OR2A14: variants seen among roughly 807,000 people sequenced by gnomAD.
OR2A14 encodes olfactory receptor 2A14.
A neutral mutation model predicts 2.4 loss-of-function variants in OR2A14; 2 were observed. The observed-to-expected ratio is 0.85, with a 90% CI of 0.35 to 2.67. The LOEUF (loss-of-function observed/expected upper bound fraction) is 2.67, where lower values mean the gene tolerates loss of function less well. OR2A14 is among the 30% of genes most tolerant of loss of function. The probability of loss-of-function intolerance (pLI) is 0.10; values close to 1 mark genes in which losing one functional copy is unlikely to be tolerated. For missense variants in OR2A14, 390 were observed against 379.4 expected (o/e 1.03, Z -0.23); for synonymous variants, 160 against 156.3 (o/e 1.02, Z -0.18).
At chr7:144,125,644 C>T (rs758750602) in intron 1 of OR2A14, among the ~76,000 whole-genome samples, 7 of 152,178 alleles carry the variant, frequency 4.6e-5, no homozygotes, top group Non-Finnish European at 7.3e-5. Flanking sequence ...GTTAAAAGCA[C>T]AGTTGATAAC....
chr7:144,129,079 C>G lies in OR2A14; in HGVS notation c.-34C>G. ...CTGTGCATCTTTGACTGGCCCACAGCTCTGACCTTCCTGTCCTAGATGTCC... is the reference window on the plus strand; with the variant it reads ...CTGTGCATCTTTGACTGGCCCACAGGTCTGACCTTCCTGTCCTAGATGTCC... On this transcript the variant is annotated splice_region_variant and 5_prime_UTR_variant, in exon 2 of 2. Coordinates refer to ENST00000641068, the MANE Select transcript of OR2A14 (RefSeq NM_001001659.3). 6.4e-7 allele frequency: 1 copy of G among 1,557,472 alleles called. No individual in the cohort carries two copies. Among genetic ancestry groups the G allele is most frequent in the Non-Finnish European group, 8.8e-7 (1 of 1,137,534 alleles).
At chr7:144,124,394 G>T (rs144253443) in intron 1 of OR2A14, among the ~76,000 whole-genome samples, 2 of 146,686 alleles carry the variant, frequency 1.4e-5, no homozygotes, top group Non-Finnish European at 1.5e-5. Flanking sequence ...CCTGGGAGGC[G>T]GAGGTTGCGG....
rs1170185394 is a variant in OR2A14 at position 144,129,721 on chromosome 7, G to A, written c.609G>A (p.Val203=). The change falls in exon 2 of 2, where the codon GTG becomes GTA. Residue 203 remains valine (V), a synonymous_variant. Transcript: ENST00000641068. The part of the protein sequence containing the change: ...LNQVVIFAAC[V]FILVGPLCLV... The stretch of plus-strand genomic sequence containing the variant: ...AGGTGGTCATCTTTGCAGCCTGCGT[G>A]TTCATCCTGGTGGGGCCACTCTGCC... 1 of 1,614,086 alleles carries A rather than the reference G, an allele frequency of 6.2e-7. No homozygotes were observed. The highest frequency in any genetic ancestry group is 2.2e-5 in the East Asian group (1 of 44,878).
intron 1 of OR2A14, among the ~76,000 whole-genome samples, chr7:144,127,478 T>C (rs532262165): frequency 1.3e-5 from 2 of 152,296 alleles, no homozygotes; most frequent in African/African-American, 4.8e-5. Context: ...ATTATGAATA[T>C]AGGCAAATCT....
chr7:144,124,992 G>T (rs2128806845), intron 1 of OR2A14, among the ~76,000 whole-genome samples: 1 of 152,248 alleles, frequency 6.6e-6, no homozygotes, highest in African/African-American at 2.4e-5. Context: ...CAATTCCTAT[G>T]CTTTAATACT....
chr7:144,129,053 T>C lies in OR2A14; in HGVS notation c.-34-26T>C, dbSNP rs367920494. ...AAAGTTATAATTTCTAAGTGCTCCC[T>C]CTGTGCATCTTTGACTGGCCCACAG... On this transcript the variant is annotated intron_variant, in intron 1 of 1. Coordinates refer to ENST00000641068, the MANE Select transcript of OR2A14 (RefSeq NM_001001659.3). 65 of 1,312,720 alleles carry C rather than the reference T, an allele frequency of 5.0e-5. No individual in the cohort carries two copies. The East Asian group carries it at 1.1e-3, about 23-fold the overall frequency. 81.3% of individuals were successfully genotyped at this position (1,312,720 alleles called of 1,614,324 possible). A position where few individuals can be genotyped will look rare whatever the true frequency, so the allele number is the denominator to read the frequency against.
intron 1 of OR2A14, among the ~76,000 whole-genome samples, chr7:144,126,300 A>G (rs1366007448): frequency 6.6e-6 from 1 of 152,218 alleles, no homozygotes; most frequent in Non-Finnish European, 1.5e-5. Flanking sequence ...TTTTATGTCA[A>G]TTTCAGATTG....
Position 144,129,691 on chromosome 7 carries a change from C to T in OR2A14, c.579C>T (p.Leu193=), listed in dbSNP as rs2051514654. 6.2e-7 allele frequency: 1 copy of T among 1,614,170 alleles called. No homozygotes were observed. Among genetic ancestry groups the T allele is most frequent in the Non-Finnish European group, 8.5e-7 (1 of 1,180,032 alleles). The change falls in exon 2 of 2, where the codon CTC becomes CTT. Residue 193 remains leucine (L), a synonymous_variant. Transcript: ENST00000641068. ...AGTTGGCCTGTGCTGACACCTGGCT[C>T]AACCAGGTGGTCATCTTTGCAGCCT... The part of the protein sequence containing the change: ...VLKLACADTW[L]NQVVIFAACV...
At chr7:144,125,861 C>A (rs578188991) in intron 1 of OR2A14, among the ~76,000 whole-genome samples, 1 of 152,182 alleles carries the variant, frequency 6.6e-6, no homozygotes, top group Admixed American at 6.5e-5. Flanking sequence ...TTAGATTAAC[C>A]AAACAATTGT....
At position 144,130,717 on chromosome 7, in the gene OR2A14, A is replaced by C. The variant is rs1182665226; in HGVS notation, c.*672A>C. 6.6e-6 allele frequency: 1 copy of C among 152,242 alleles called. No homozygotes were observed. The highest frequency in any genetic ancestry group is 1.9e-4 in the East Asian group (1 of 5,202). The allele number at this position is 152,242 out of a possible 1,614,324, so 9.4% of individuals were successfully genotyped here. ...TACTAGCAGAGTTTGTGCCAATAGT[A>C]GCCAAGTCACATTGAGTTAACAGGA... is the stretch of plus-strand genomic sequence containing the variant. On this transcript the variant is annotated 3_prime_UTR_variant, in exon 2 of 2. Transcript: ENST00000641068.
chr7:144,123,577 G>T (rs1031237488), intron 1 of OR2A14, among the ~76,000 whole-genome samples: 2 of 152,126 alleles, frequency 1.3e-5, no homozygotes, highest in Non-Finnish European at 2.9e-5. Flanking sequence ...ATCCCTATAG[G>T]GTATGATCTG....
intron 1 of OR2A14, among the ~76,000 whole-genome samples, chr7:144,125,918 A>G (rs1201540859): frequency 6.6e-6 from 1 of 152,182 alleles, no homozygotes; most frequent in Non-Finnish European, 1.5e-5. Flanking sequence ...TAAAGCATCC[A>G]AATGCCTGCT....
At chr7:144,124,355 G>T (rs2128806756) in intron 1 of OR2A14, among the ~76,000 whole-genome samples, 1 of 151,956 alleles carries the variant, frequency 6.6e-6, no homozygotes, top group Non-Finnish European at 1.5e-5. Flanking sequence ...CCAGCTACTT[G>T]GGGAGCTGAG....
Position 144,129,319 on chromosome 7 carries a change from C to T in OR2A14, c.207C>T (p.Asp69=), listed in dbSNP as rs769321083. The T allele has an allele frequency of 1.2e-6, 2 of 1,614,200 alleles. No homozygotes were observed. The highest frequency in any genetic ancestry group is 2.2e-5 in the South Asian group (2 of 91,084). ...TCCTCTCACACCTGGCCATTGTTGA[C>T]ATATCCTATGCTTCCAACTATGTCC... ...YFFLSHLAIV[D]ISYASNYVPK... The change falls in exon 2 of 2, where the codon GAC becomes GAT. Residue 69 remains aspartate, a synonymous_variant. Transcript: ENST00000641068.
chr7:144,128,818 C>T (rs1158150032), intron 1 of OR2A14, among the ~76,000 whole-genome samples: 1 of 152,130 alleles, frequency 6.6e-6, no homozygotes, highest in Non-Finnish European at 1.5e-5. Context: ...TGTGTATCCC[C>T]TTATGTAGGG....
chr7:144,124,216 A>C (rs2051465807), intron 1 of OR2A14, among the ~76,000 whole-genome samples: 1 of 152,054 alleles, frequency 6.6e-6, no homozygotes, highest in Middle Eastern at 3.2e-3. Flanking sequence ...TAATCCCAAC[A>C]CTTTGGGAGG....
chr7:144,127,774 C>A (rs962832721), intron 1 of OR2A14, among the ~76,000 whole-genome samples: 1 of 152,006 alleles, frequency 6.6e-6, no homozygotes, highest in Non-Finnish European at 1.5e-5. Flanking sequence ...GGATTTGAAC[C>A]TTTAGCCTGA....
At chr7:144,123,785 A>G (rs1163378590) in intron 1 of OR2A14, among the ~76,000 whole-genome samples, 1 of 152,050 alleles carries the variant, frequency 6.6e-6, no homozygotes, top group Non-Finnish European at 1.5e-5. Flanking sequence ...TCCCCTTCTC[A>G]GTTGTTCTGG....
chr7:144,127,316 T>C (rs1353385404), intron 1 of OR2A14, among the ~76,000 whole-genome samples: 1 of 152,196 alleles, frequency 6.6e-6, no homozygotes, highest in Non-Finnish European at 1.5e-5. Flanking sequence ...GTACTGACTA[T>C]GTGGCAAAGA....
Sources: gnomAD v4.1 joint callset for allele counts (sites outside exome capture counted in the v4.1 genomes callset) on GRCh38, gnomAD v4.1.1 for gene constraint, MANE v1.5 for transcripts, NCBI Gene and HGNC (gene_info 2026-07-23, HGNC 2026-07-21) for gene names.